The following BANK1 variants were observed in gnomAD, a reference collection of about 807,000 sequenced individuals.
BANK1 encodes the protein B cell scaffold protein with ankyrin repeats 1, also known as B-cell scaffold protein with ankyrin repeats.
BANK1 carries 95 observed loss-of-function variants against 94.5 expected under a neutral mutation model. The observed-to-expected ratio is 1.00, with a 90% CI of 0.85 to 1.19. The LOEUF is 1.19. BANK1 is among the 50% of genes most tolerant of loss of function. The pLI is 0.00. For synonymous variants in BANK1, 334 were observed against 308.4 expected, an observed-to-expected ratio of 1.08 and a Z score of -0.87; for missense variants, 987 against 932.2, an observed-to-expected ratio of 1.06 and a Z score of -0.77.
intron 11 of BANK1, among the ~76,000 whole-genome samples, chr4:102,047,985 C>A (rs1362755151): frequency 6.6e-6 from 1 of 152,176 alleles, no homozygotes; most frequent in Non-Finnish European, 1.5e-5. Flanking sequence ...TGATTACTAT[C>A]TGTCCATATC....
intron 1 of BANK1, among the ~76,000 whole-genome samples, chr4:101,802,663 A>G: frequency 6.6e-6 from 1 of 152,186 alleles, no homozygotes; most frequent in Admixed American, 6.5e-5. Flanking sequence ...TGGCTGCTTT[A>G]CTTAGTGGTT....
At chr4:101,875,276 C>T (rs1388457818) in intron 5 of BANK1, among the ~76,000 whole-genome samples, 1 of 152,106 alleles carries the variant, frequency 6.6e-6, no homozygotes, top group Admixed American at 6.5e-5. Context: ...CCTGAGCTGC[C>T]CTATTATAAC....
At chr4:101,891,414 T>A (rs537549021) in intron 5 of BANK1, among the ~76,000 whole-genome samples, 1 of 152,200 alleles carries the variant, frequency 6.6e-6, no homozygotes, top group South Asian at 2.1e-4. Context: ...TTTCAAAATA[T>A]TTTCTTTGTA....
chr4:101,858,016 G>A (rs4698973), intron 3 of BANK1, among the ~76,000 whole-genome samples: 3,492 of 152,212 alleles, frequency 0.023, 69 homozygotes, highest in South Asian at 0.07. Context: ...CTGTTCAAAC[G>A]AACCTCATCC....
At chr4:101,871,363 AAAATTTACCATAAAAACCTATCTTC>A (rs1161540584) in intron 5 of BANK1, among the ~76,000 whole-genome samples, 4 of 152,070 alleles carry the variant, frequency 2.6e-5, no homozygotes, top group South Asian at 2.1e-4. Context: ...AATTTACCAT[AAAATTTACCATAAAAACCTATCTTC>A]AAATTTACCA....
At chr4:101,866,397 A>C (rs1014177524) in intron 4 of BANK1, among the ~76,000 whole-genome samples, 3 of 152,254 alleles carry the variant, frequency 2.0e-5, no homozygotes, top group South Asian at 2.1e-4. Flanking sequence ...AAGGTCTAAC[A>C]TACATGTAAT....
chr4:102,050,167 A>G (rs1024065576), intron 11 of BANK1, among the ~76,000 whole-genome samples: 6 of 152,110 alleles, frequency 3.9e-5, no homozygotes, highest in Admixed American at 6.5e-5. Flanking sequence ...TAAACTTTCA[A>G]TACTACTCTA....
chr4:102,054,278 A>G (rs931713849), intron 11 of BANK1, among the ~76,000 whole-genome samples: 7 of 152,124 alleles, frequency 4.6e-5, no homozygotes, highest in African/African-American at 1.4e-4. Flanking sequence ...CACCTTCTGT[A>G]CTATTCACGT....
intron 7 of BANK1, among the ~76,000 whole-genome samples, chr4:102,012,977 C>G (rs1407848080): frequency 6.6e-6 from 1 of 151,990 alleles, no homozygotes; most frequent in Admixed American, 6.6e-5. Flanking sequence ...ACTTTTTGAA[C>G]AATTATATTG....
chr4:101,869,390 A>T (rs542813883), intron 4 of BANK1, among the ~76,000 whole-genome samples: 2 of 151,812 alleles, frequency 1.3e-5, no homozygotes, highest in Non-Finnish European at 2.9e-5. Context: ...TTTCTCTTAC[A>T]TTCTCTATTG....
At chr4:101,860,999 CTG>C (rs1349056747) in intron 3 of BANK1, among the ~76,000 whole-genome samples, 1 of 152,104 alleles carries the variant, frequency 6.6e-6, no homozygotes, top group Non-Finnish European at 1.5e-5. Flanking sequence ...AACAAAAGAA[CTG>C]TACTAGAAGC....
chr4:101,975,539 C>A (rs1010089236), intron 7 of BANK1, among the ~76,000 whole-genome samples: 1 of 152,132 alleles, frequency 6.6e-6, no homozygotes, highest in South Asian at 2.1e-4. Flanking sequence ...TGTCCAGAGA[C>A]AGTTCTCTCT....
chr4:101,979,168 A>G (rs1055815113), intron 7 of BANK1, among the ~76,000 whole-genome samples: 5 of 152,014 alleles, frequency 3.3e-5, no homozygotes, highest in Non-Finnish European at 7.4e-5. Flanking sequence ...AGTTTGCAAG[A>G]TAATACCTGA....
intron 7 of BANK1, among the ~76,000 whole-genome samples, chr4:101,974,750 C>CTT (rs1725068633): frequency 6.6e-6 from 1 of 151,388 alleles, no homozygotes; most frequent in Non-Finnish European, 1.5e-5. Flanking sequence ...GAGTTCGAGA[C>CTT]CAGCCTGGCC....
At chr4:101,848,240 C>T (rs1727333318) in intron 2 of BANK1, among the ~76,000 whole-genome samples, 1 of 152,096 alleles carries the variant, frequency 6.6e-6, no homozygotes, top group African/African-American at 2.4e-5. Flanking sequence ...GAGCAGTCCG[C>T]TTCCTCCAGA....
At chr4:102,057,543 C>T (rs1199616485) in intron 11 of BANK1, among the ~76,000 whole-genome samples, 1 of 152,024 alleles carries the variant, frequency 6.6e-6, no homozygotes, top group Admixed American at 6.6e-5. Context: ...GTTACCCAGG[C>T]TGGTCTGGAA....
At position 102,036,192 on chromosome 4, in the gene BANK1, A is replaced by C. The variant is rs570204738; in HGVS notation, c.1900+5927A>C. 2.0e-5 allele frequency among the ~76,000 whole-genome samples: 3 copies of C among 152,324 alleles called. No homozygotes were observed. In the East Asian group the frequency reaches 5.8e-4, roughly 29 times the overall value. On this transcript the variant is annotated intron_variant, in intron 10 of 16. Coordinates refer to ENST00000322953, the MANE Select transcript of BANK1 (RefSeq NM_017935.5). ...TACTGAGTTGCCCTTGGCATTTTGCAGTGCAACAAAGTTGTATGTGACCTT... is the reference window on the plus strand; with the variant it reads ...TACTGAGTTGCCCTTGGCATTTTGCCGTGCAACAAAGTTGTATGTGACCTT...
At chr4:101,795,061 ATT>A (rs5860693) in intron 1 of BANK1, among the ~76,000 whole-genome samples, 2 of 151,192 alleles carry the variant, frequency 1.3e-5, no homozygotes, top group South Asian at 4.2e-4. Context: ...TATATGCCTC[ATT>A]TTTTTTTTCA....
At chr4:101,792,255 T>TCCCCCCCCCCCCCCCCCCCCCCCA (rs771698917) in intron 1 of BANK1, among the ~76,000 whole-genome samples, 1 of 128,662 alleles carries the variant, frequency 7.8e-6, no homozygotes, top group Non-Finnish European at 1.7e-5. Context: ...TGCATTCCGC[T>TCCCCCCCCCCCCCCCCCCCCCCCA]CCCCCCCCGC....
Sources: allele counts gnomAD v4.1 joint callset (sites outside exome capture counted in the v4.1 genomes callset), GRCh38; gene constraint gnomAD v4.1.1; transcripts MANE v1.5; gene names NCBI Gene and HGNC (gene_info 2026-07-23, HGNC 2026-07-21).